Variants in FAM120C observed in about 807,000 individuals in gnomAD.
FAM120C encodes family with sequence similarity 120 member C, also known as constitutive coactivator of PPAR-gamma-like protein 2.
Under a neutral mutation model 71.2 loss-of-function variants are expected in FAM120C, and 14 were observed. The observed-to-expected ratio is 0.20, with a 90% CI of 0.13 to 0.31. FAM120C has a LOEUF of 0.31. Ranked by LOEUF, FAM120C falls within the 10% of genes least tolerant of loss-of-function variation. The probability of loss-of-function intolerance (pLI) is 1.00; values close to 1 mark genes in which losing one functional copy is unlikely to be tolerated. For missense variants in FAM120C, 500 were observed against 879.0 expected (o/e 0.57, Z 5.45); for synonymous variants, 354 against 353.2 (o/e 1.00, Z -0.03).
rs371457355 is a variant in FAM120C, at chrX:54,183,068, G to T, written c.131C>A (p.Pro44Gln). 1,500 of 1,155,676 alleles carry T rather than the reference G, an allele frequency of 1.3e-3. 17 individuals carry two copies. The African/African-American group carries it at 0.023, about 18-fold the overall frequency. ...QQQQHLHRQL[P>Q]PTAALAPGAP... is the part of the protein sequence containing the mutation. ...CCCGGGCGCTAGGGCTGCAGTCGGCGGCAGCTGGCGGTGCAAGTGCTGCTG... is the reference window on the plus strand; with the variant it reads ...CCCGGGCGCTAGGGCTGCAGTCGGCTGCAGCTGGCGGTGCAAGTGCTGCTG... The change falls in exon 1 of 16, where the codon CCG (proline) becomes CAG (glutamine). Residue 44 changes from proline (P) to glutamine (Q), a missense_variant. Physicochemically the swap from Pro to Gln is moderately conservative, Grantham distance 76 (BLOSUM62 -1). Coordinates refer to ENST00000375180, the MANE Select transcript of FAM120C (RefSeq NM_017848.6).
intron 4 of FAM120C, among the ~76,000 whole-genome samples, chrX:54,140,935 G>A (rs1197696238): frequency 3.2e-5 from 3 of 93,692 alleles, no homozygotes; most frequent in African/African-American, 1.2e-4. Flanking sequence ...GTGAGACTCC[G>A]TCTCAAAAAA....
At chrX:54,087,622 G>T (rs1264972621) in intron 12 of FAM120C, 133 bp downstream of exon 12, 4 of 579,362 alleles carry the variant, frequency 6.9e-6, no homozygotes, top group Non-Finnish European at 1.1e-5. Flanking sequence ...TGTTGACTGA[G>T]TCAGGTTAAA....
At chrX:54,108,889 C>T (rs1218072130) in intron 10 of FAM120C, among the ~76,000 whole-genome samples, 4 of 82,420 alleles carry the variant, frequency 4.9e-5, no homozygotes, top group Non-Finnish European at 9.4e-5. Flanking sequence ...GAGATCGCGC[C>T]ACTGCACTCC....
intron 1 of FAM120C, among the ~76,000 whole-genome samples, chrX:54,174,974 A>C (rs782705760): frequency 9.0e-6 from 1 of 110,749 alleles, no homozygotes; most frequent in South Asian, 3.9e-4. Context: ...CGGAGAAATG[A>C]TCCTGGGGAC....
At chrX:54,155,064 C>T (rs1195018010) in intron 3 of FAM120C, among the ~76,000 whole-genome samples, 1 of 110,637 alleles carries the variant, frequency 9.0e-6, no homozygotes, top group Non-Finnish European at 1.9e-5. Context: ...ATTAGCCAGC[C>T]GTGATGGCAT....
Position 54,071,670 on chromosome X carries a change from C to T in FAM120C, c.*1363G>A, listed in dbSNP as rs2066709349. 8.9e-6 allele frequency: 1 copy of T among 111,917 alleles called. No individual in the cohort carries two copies. Among genetic ancestry groups the T allele is most frequent in the Admixed American group, 9.5e-5 (1 of 10,504 alleles). 9.2% of individuals were successfully genotyped at this position (111,917 alleles called of 1,213,427 possible). A position where few individuals can be genotyped will look rare whatever the true frequency, so the allele number is the denominator to read the frequency against. On this transcript the variant is annotated 3_prime_UTR_variant, in exon 16 of 16. Coordinates refer to ENST00000375180, the MANE Select transcript of FAM120C (RefSeq NM_017848.6). ...TGCCCAACTCTTCCCAATCCCATTCCAACCTCCTGTTTTCACCATATGGGA... is the reference window on the plus strand; with the variant it reads ...TGCCCAACTCTTCCCAATCCCATTCTAACCTCCTGTTTTCACCATATGGGA...
At chrX:54,141,016 G>A (rs782475750) in intron 4 of FAM120C, among the ~76,000 whole-genome samples, 4 of 110,084 alleles carry the variant, frequency 3.6e-5, no homozygotes, top group African/African-American at 1.3e-4. Flanking sequence ...GACAAACAGA[G>A]ATGCAAGAAG....
In FAM120C at chrX:54,182,723, T is replaced by A; in HGVS notation, c.476A>T (p.Tyr159Phe). 8.3e-7 allele frequency: 1 copy of A among 1,209,758 alleles called. No homozygotes were observed. The highest frequency in any genetic ancestry group is 1.1e-6 in the Non-Finnish European group (1 of 894,864). ...YLSALCQACAYPGGDGLELVV... is the reference protein window; with the variant it reads ...YLSALCQACAFPGGDGLELVV... ...GAGCTCCAGGCCGTCGCCGCCAGGA[T>A]AGGCACAAGCCTGGCACAGCGCTGA... The change falls in exon 1 of 16, where the codon TAT (tyrosine) becomes TTT (phenylalanine). Residue 159 changes from tyrosine to phenylalanine, a missense_variant. Physicochemically the swap from Tyr to Phe is conservative, Grantham distance 22. This residue lies in a region of FAM120C where 45 missense variants were observed against 140.2 expected (regional missense o/e 0.32). Transcript: ENST00000375180.
At chrX:54,171,785 G>A (rs2067290108) in intron 1 of FAM120C, 1 of 111,897 alleles carries the variant, frequency 8.9e-6, no homozygotes, top group South Asian at 3.7e-4. Flanking sequence ...CTACTTCCGA[G>A]GTATTTGTAG....
chrX:54,180,589 GA>G (rs782088703), intron 1 of FAM120C, among the ~76,000 whole-genome samples: 3 of 111,878 alleles, frequency 2.7e-5, no homozygotes, highest in South Asian at 3.8e-4. Flanking sequence ...GCTGAGTGGG[GA>G]AATGATCTAA....
intron 10 of FAM120C, among the ~76,000 whole-genome samples, chrX:54,101,794 TG>T (rs2066883463): frequency 1.8e-5 from 2 of 111,723 alleles, no homozygotes; most frequent in African/African-American, 6.5e-5. Flanking sequence ...CTTATCGGAA[TG>T]GCCTTCGCTG....
At chrX:54,118,605 G>A (rs1432189628) in intron 9 of FAM120C, among the ~76,000 whole-genome samples, 5 of 108,171 alleles carry the variant, frequency 4.6e-5, no homozygotes, top group African/African-American at 6.7e-5. Context: ...CATCCTCTCC[G>A]GGATATGGTA....
intron 2 of FAM120C, among the ~76,000 whole-genome samples, chrX:54,158,760 C>T (rs2067222550): frequency 9.0e-6 from 1 of 111,272 alleles, no homozygotes; most frequent in African/African-American, 3.3e-5. Context: ...CACAGCGAGA[C>T]TCTGTCTCAA....
In FAM120C at chrX:54,071,198, C is replaced by T. The variant is rs1017785727; in HGVS notation, c.*1835G>A. The T allele has an allele frequency of 1.8e-5, 2 of 112,193 alleles. No homozygotes were observed. Among genetic ancestry groups the T allele is most frequent in the African/African-American group, 6.5e-5 (2 of 30,926 alleles). 9.2% of individuals were successfully genotyped at this position (112,193 alleles called of 1,213,427 possible). A position where few individuals can be genotyped will look rare whatever the true frequency, so the allele number is the denominator to read the frequency against. On this transcript the variant is annotated 3_prime_UTR_variant, in exon 16 of 16. Coordinates refer to ENST00000375180, the MANE Select transcript of FAM120C (RefSeq NM_017848.6). ...TTTATTGCAAGCCATGTTTCCCTCC[C>T]TCATAGTTAGGCTGCCCAAGGAGGG... is the stretch of plus-strand genomic sequence containing the variant.
rs1557122592 is a variant in FAM120C at position 54,091,296 on chromosome X, G to A, written c.2427+16C>T. The A allele has an allele frequency of 1.8e-6, 2 of 1,109,256 alleles. No homozygotes were observed. The highest frequency in any genetic ancestry group is 4.4e-5 in the Admixed American group (2 of 45,292). The allele number at this position is 1,109,256 out of a possible 1,213,427, so 91.4% of individuals were successfully genotyped here. A position where few individuals can be genotyped will look rare whatever the true frequency, so the allele number is the denominator to read the frequency against. On this transcript the variant is annotated intron_variant, in intron 11 of 15. Transcript: ENST00000375180. The stretch of plus-strand genomic sequence containing the variant: ...CTCATAAAAGAAAGAACTTAAATGA[G>A]GGTACATGAACTCACCTTGAGTTCT...
intron 10 of FAM120C, among the ~76,000 whole-genome samples, chrX:54,097,916 C>CG (rs1186308123): frequency 2.7e-5 from 3 of 110,564 alleles, no homozygotes; most frequent in African/African-American, 9.8e-5. Context: ...TTAGTAGAGA[C>CG]GGGGTTTGAC....
At chrX:54,129,950 A>C (rs187846407) in intron 9 of FAM120C, among the ~76,000 whole-genome samples, 2 of 108,418 alleles carry the variant, frequency 1.8e-5, no homozygotes, top group African/African-American at 6.7e-5. Context: ...GGGAGGTTGC[A>C]GTGAGCCGAG....
chrX:54,138,436 G>T (rs782399372), intron 4 of FAM120C, among the ~76,000 whole-genome samples: 2 of 102,315 alleles, frequency 2.0e-5, no homozygotes, highest in South Asian at 4.7e-4. Flanking sequence ...GGAGGTCAAG[G>T]CTGCAGTGAG....
At chrX:54,109,427 A>G (rs2146584766) in intron 10 of FAM120C, among the ~76,000 whole-genome samples, 1 of 102,492 alleles carries the variant, frequency 9.8e-6, no homozygotes, top group South Asian at 4.8e-4. Flanking sequence ...GTTCAAGACC[A>G]GCTTGGGCAA....
Sources: allele counts gnomAD v4.1 joint callset (sites outside exome capture counted in the v4.1 genomes callset), GRCh38; gene constraint gnomAD v4.1.1; regional missense constraint gnomAD v4.1.1; transcripts MANE v1.5; gene names NCBI Gene and HGNC (gene_info 2026-07-23, HGNC 2026-07-21).